The following CCDC24 variants were observed in gnomAD, a reference collection of about 807,000 sequenced individuals.
CCDC24 encodes coiled-coil domain-containing protein 24.
A neutral mutation model predicts 31.6 loss-of-function variants in CCDC24; 34 were observed. That is an observed-to-expected ratio of 1.08 (90% CI 0.82 to 1.43). CCDC24 has a LOEUF of 1.43. Ranked by LOEUF, CCDC24 falls within the 40% of genes most tolerant of loss-of-function variation. The probability of loss-of-function intolerance (pLI) is 0.00; values close to 1 mark genes in which losing one functional copy is unlikely to be tolerated. For missense variants in CCDC24, 426 were observed against 391.1 expected (o/e 1.09, Z -0.75); for synonymous variants, 175 against 157.3 (o/e 1.11, Z -0.84).
Position 43,995,838 on chromosome 1 carries a change from G to T in CCDC24, c.683G>T (p.Cys228Phe). Reference protein sequence around the residue: ...QELQASVGPSCVSPNHRQRPL... With the variant: ...QELQASVGPSFVSPNHRQRPL... ...CTGCAGGCATCTGTGGGGCCTTCTT[G>T]TGTCTCTCCCAACCACAGGTAAACC... The change falls in exon 8 of 9, where the codon TGT (cysteine) becomes TTT (phenylalanine). Residue 228 changes from cysteine (C) to phenylalanine (F), a missense_variant. Coordinates refer to ENST00000372318, the MANE Select transcript of CCDC24 (RefSeq NM_152499.4). This position sits in a 1 kb window ranked among gnomAD's most constrained non-coding sequence, Gnocchi z 4.3. 1 of 1,614,232 alleles carries T rather than the reference G, an allele frequency of 6.2e-7. No homozygotes were observed. The highest frequency in any genetic ancestry group is 8.5e-7 in the Non-Finnish European group (1 of 1,180,028).
At chr1:43,992,884 CA>C (rs1269981134) in intron 4 of CCDC24, among the ~76,000 whole-genome samples, 20 of 152,120 alleles carry the variant, frequency 1.3e-4, no homozygotes, top group Non-Finnish European at 2.4e-4. Context: ...GTATGAGGAG[CA>C]GTTTTCAGGG....
Position 43,996,183 on chromosome 1 carries a change from C to A in CCDC24, c.*23C>A, listed in dbSNP as rs186460548. ...TGAAGGGCTGGTCACCGAGTAGGCT[C>A]TGGCTTCTGCCACAGCGCACCTGTC... On this transcript the variant is annotated 3_prime_UTR_variant, in exon 9 of 9. Transcript: ENST00000372318. The A allele has an allele frequency of 2.3e-4, 346 of 1,521,544 alleles. 3 individuals are homozygous for A. The African/African-American group carries it at 4.2e-3, about 18-fold the overall frequency. 94.3% of individuals were successfully genotyped at this position (1,521,544 alleles called of 1,614,324 possible).
rs12563522 is a variant in CCDC24 at position 43,996,356 on chromosome 1, A to G, written c.*196A>G. Reference sequence around the variant, plus strand: ...GGTGTCTGGAGCTGAGTGGCCGGGCATCGGTCCCAAGCATCAAAGCCTTTG... The same window carrying G: ...GGTGTCTGGAGCTGAGTGGCCGGGCGTCGGTCCCAAGCATCAAAGCCTTTG... On this transcript the variant is annotated 3_prime_UTR_variant, in exon 9 of 9. Coordinates refer to ENST00000372318, the MANE Select transcript of CCDC24 (RefSeq NM_152499.4). The G allele has an allele frequency of 2.0e-3, 1,138 of 565,518 alleles. 8 individuals are homozygous for G. The highest frequency in any genetic ancestry group is 0.014 in the East Asian group (484 of 33,610). The allele number at this position is 565,518 out of a possible 1,614,324, so 35.0% of individuals were successfully genotyped here.
chr1:43,992,223 AC>A lies in CCDC24; in HGVS notation c.139del (p.Arg47GlyfsTer31). ...LELRAEVAML[R>X]ALLQEARSSQ... ...AGCTCTCCTTGCAGGTGGCGATGTTACGGGCACTGCTCCAAGAGGCTCGATC... is the reference window on the plus strand; with the variant it reads ...AGCTCTCCTTGCAGGTGGCGATGTTAGGGCACTGCTCCAAGAGGCTCGATC... On this transcript the variant is annotated frameshift_variant, in exon 3 of 9. Transcript: ENST00000372318. LOFTEE classifies it high-confidence loss of function. The A allele has an allele frequency of 1.2e-6, 2 of 1,612,376 alleles. No homozygotes were observed. Among genetic ancestry groups the A allele is most frequent in the Non-Finnish European group, 1.7e-6 (2 of 1,179,210 alleles).
Position 43,995,724 on chromosome 1 carries a change from C to T in CCDC24, c.622+54C>T, listed in dbSNP as rs2085833470. The T allele has an allele frequency of 2.5e-6, 4 of 1,613,182 alleles. No homozygotes were observed. On this transcript the variant is annotated intron_variant, in intron 7 of 8. Coordinates refer to ENST00000372318, the MANE Select transcript of CCDC24 (RefSeq NM_152499.4). The surrounding 1 kb of genome is among the most constrained non-coding windows in gnomAD (Gnocchi z 4.3). ...CCCAGCCTCCTGCTCCCACCCCACA[C>T]TTGTACACACCCTAGAAGAGCTGGG...
Position 43,992,219 on chromosome 1 carries a change from TG to T in CCDC24, c.135del (p.Met45IlefsTer33). On this transcript the variant is annotated frameshift_variant, in exon 3 of 9. Coordinates refer to ENST00000372318, the MANE Select transcript of CCDC24 (RefSeq NM_152499.4). LOFTEE classifies it high-confidence loss of function. ...LSLELRAEVA[M>X]LRALLQEARS... The stretch of plus-strand genomic sequence containing the variant: ...TCCCAGCTCTCCTTGCAGGTGGCGA[TG>T]TTACGGGCACTGCTCCAAGAGGCTC... 1 of 1,611,414 alleles carries T rather than the reference TG, an allele frequency of 6.2e-7. No individual in the cohort carries two copies. Among genetic ancestry groups the T allele is most frequent in the East Asian group, 2.2e-5 (1 of 44,798 alleles).
chr1:43,994,218 A>AG (rs2085790808), intron 5 of CCDC24: 2 of 465,670 alleles, frequency 4.3e-6, no homozygotes, highest in Non-Finnish European at 7.8e-6. Flanking sequence ...GGCCGAGGCA[A>AG]GAGGGTCATT....
In CCDC24 at chr1:43,995,802, T is replaced by C. The variant is rs1469163739; in HGVS notation, c.647T>C (p.Met216Thr). ...LAELKEQKKAMEQELQASVGP... is the reference protein window; with the variant it reads ...LAELKEQKKATEQELQASVGP... ...GAGCTAAAGGAACAGAAGAAGGCCATGGAGCAGGAGCTGCAGGCATCTGTG... is the reference window on the plus strand; with the variant it reads ...GAGCTAAAGGAACAGAAGAAGGCCACGGAGCAGGAGCTGCAGGCATCTGTG... The change falls in exon 8 of 9, where the codon ATG becomes ACG. Residue 216 changes from methionine to threonine, a missense_variant. Physicochemically the swap from Met to Thr is moderately conservative, Grantham distance 81. Transcript: ENST00000372318. The surrounding 1 kb of genome is among the most constrained non-coding windows in gnomAD (Gnocchi z 4.3). The C allele has an allele frequency of 6.2e-7, 1 of 1,614,212 alleles. No homozygotes were observed. The highest frequency in any genetic ancestry group is 8.5e-7 in the Non-Finnish European group (1 of 1,180,022).
At position 43,992,404 on chromosome 1, in the gene CCDC24, T is replaced by G; in HGVS notation, c.302+17T>G. The G allele has an allele frequency of 6.2e-7, 1 of 1,613,800 alleles. No homozygotes were observed. Among genetic ancestry groups the G allele is most frequent in the Non-Finnish European group, 8.5e-7 (1 of 1,179,874 alleles). On this transcript the variant is annotated intron_variant, in intron 3 of 8. Transcript: ENST00000372318. Reference sequence around the variant, plus strand: ...TGAGGGCAGGTGGGAGCCTCAGGCCTGGGCCCTTTCCCTAGATACCAGGTG... The same window carrying G: ...TGAGGGCAGGTGGGAGCCTCAGGCCGGGGCCCTTTCCCTAGATACCAGGTG...
In CCDC24 at chr1:43,992,128, T is replaced by C. The variant is rs758251279; in HGVS notation, c.127-84T>C. The C allele has an allele frequency of 2.0e-6, 3 of 1,517,280 alleles. No homozygotes were observed. In the African/African-American group the frequency reaches 4.2e-5, roughly 21 times the overall value. The allele number at this position is 1,517,280 out of a possible 1,614,324, so 94.0% of individuals were successfully genotyped here. A position where few individuals can be genotyped will look rare whatever the true frequency, so the allele number is the denominator to read the frequency against. On this transcript the variant is annotated intron_variant, in intron 2 of 8. Transcript: ENST00000372318. ...ATCCTATCCTGGTCTCCCCTTTGAC[T>C]CCGCCCTCTCCCTCACTCCCCCAGC...
chr1:43,992,343 GC>G lies in CCDC24; in HGVS notation c.259del (p.Gln87SerfsTer48), dbSNP rs1277001645. 4 of 1,614,074 alleles carry G rather than the reference GC, an allele frequency of 2.5e-6. No homozygotes were observed. The African/African-American group carries it at 5.3e-5, about 22-fold the overall frequency. Reference sequence around the variant, plus strand: ...AGGACCTCTTGCGCCAGGAGCTCCGGCAGTTGCTCCAGGGTCTCCGCCACAA... The same window carrying G: ...AGGACCTCTTGCGCCAGGAGCTCCGGAGTTGCTCCAGGGTCTCCGCCACAA... Reference protein sequence around the residue: ...LKDLLRQELRQLLQGLRHKAI... With the variant: ...LKDLLRQELRXLLQGLRHKAI... On this transcript the variant is annotated frameshift_variant, in exon 3 of 9. Coordinates refer to ENST00000372318, the MANE Select transcript of CCDC24 (RefSeq NM_152499.4). LOFTEE classifies it high-confidence loss of function.
Position 43,991,614 on chromosome 1 carries a change from GC to G in CCDC24, c.-162del. 1 of 702,706 alleles carries G rather than the reference GC, an allele frequency of 1.4e-6. No individual in the cohort carries two copies. Among genetic ancestry groups the G allele is most frequent in the Non-Finnish European group, 2.6e-6 (1 of 385,564 alleles). The allele number at this position is 702,706 out of a possible 1,614,324, so 43.5% of individuals were successfully genotyped here. On this transcript the variant is annotated 5_prime_UTR_variant, in exon 1 of 9. Transcript: ENST00000372318. ...GCCACGCGGAAGAGGTGGGGCTAGG[GC>G]CCTGGTTCCCACTGCCTGGTTTCTG...
In CCDC24 at chr1:43,991,845, A is replaced by G. The variant is rs749419177; in HGVS notation, c.-32-2A>G. 5 of 1,546,906 alleles carry G rather than the reference A, an allele frequency of 3.2e-6. No individual in the cohort carries two copies. Among genetic ancestry groups the G allele is most frequent in the Non-Finnish European group, 2.6e-6 (3 of 1,145,064 alleles). On this transcript the variant is annotated splice_acceptor_variant, in intron 1 of 8. Coordinates refer to ENST00000372318, the MANE Select transcript of CCDC24 (RefSeq NM_152499.4). LOFTEE classifies it low-confidence loss of function (5UTR_SPLICE). ...TCCCGCACTCTGACCTGCGGCCCGT[A>G]GGTCCGAGCCGGGGACGGCGGCGTC...
In CCDC24 at chr1:43,995,401, TA is replaced by T; in HGVS notation, c.553-198del. 1 of 703,586 alleles carries T rather than the reference TA, an allele frequency of 1.4e-6. No homozygotes were observed. The highest frequency in any genetic ancestry group is 2.3e-6 in the Non-Finnish European group (1 of 429,600). 43.6% of individuals were successfully genotyped at this position (703,586 alleles called of 1,614,324 possible). ...AGGTCTTTTGCCTCCTTCCTTTACC[TA>T]AGTCTGGGTACAGGCCCCACCACTA... On this transcript the variant is annotated intron_variant, in intron 6 of 8. Coordinates refer to ENST00000372318, the MANE Select transcript of CCDC24 (RefSeq NM_152499.4). This position sits in a 1 kb window ranked among gnomAD's most constrained non-coding sequence, Gnocchi z 4.3.
In CCDC24 at chr1:43,992,530, G is replaced by A. The variant is rs1414989467; in HGVS notation, c.310G>A (p.Ala104Thr). 1 of 1,614,110 alleles carries A rather than the reference G, an allele frequency of 6.2e-7. No individual in the cohort carries two copies. The highest frequency in any genetic ancestry group is 2.2e-5 in the East Asian group (1 of 44,894). Residue 104 changes from alanine (A) to threonine (T), a missense_variant, in exon 4 of 9, where the codon GCC (alanine) becomes ACC (threonine). Ala to Thr is a moderately conservative substitution (Grantham distance 58, BLOSUM62 0). Coordinates refer to ENST00000372318, the MANE Select transcript of CCDC24 (RefSeq NM_152499.4). ...HKAICEGRDQ[A>T]QAWVQYSPRV... ...CCTGTGCACCTTCTGCAGGGACCAG[G>A]CCCAAGCTTGGGTCCAGTATAGCCC...
rs60691118 is a variant in CCDC24, at chr1:43,994,443, T to TTTCTTTCTTTC, written c.497+481_497+482insCTTTCTTTCTT. 3.3e-3 allele frequency: 432 copies of TTTCTTTCTTTC among 131,182 alleles called. 1 individual carries two copies. Among genetic ancestry groups the TTTCTTTCTTTC allele is most frequent in the Non-Finnish European group, 5.5e-3 (342 of 62,506 alleles). The allele number at this position is 131,182 out of a possible 1,614,324, so 8.1% of individuals were successfully genotyped here. ...CCCTGTTTCTTTCTTTCTTTCTTTC[T>TTTCTTTCTTTC]TTTTTTTTTTTTTTTGAGATGGAGT... is the stretch of plus-strand genomic sequence containing the variant. On this transcript the variant is annotated intron_variant, in intron 5 of 8. Coordinates refer to ENST00000372318, the MANE Select transcript of CCDC24 (RefSeq NM_152499.4).
rs1437039405 is a variant in CCDC24, at chr1:43,995,636, C to T, written c.588C>T (p.His196=). The change falls in exon 7 of 9, where the codon CAC becomes CAT. Residue 196 remains histidine (H), a synonymous_variant. Transcript: ENST00000372318. The surrounding 1 kb of genome is among the most constrained non-coding windows in gnomAD (Gnocchi z 4.3). ...CLEEEYLRPC[H]PSEAALEPTL... Reference sequence around the variant, plus strand: ...AAGAGGAGTATTTGAGGCCTTGCCACCCCTCTGAGGCAGCCCTGGAGCCCA... The same window carrying T: ...AAGAGGAGTATTTGAGGCCTTGCCATCCCTCTGAGGCAGCCCTGGAGCCCA... 3.1e-6 allele frequency: 5 copies of T among 1,612,796 alleles called. No individual in the cohort carries two copies. Among genetic ancestry groups the T allele is most frequent in the East Asian group, 4.5e-5 (2 of 44,880 alleles).
Position 43,995,700 on chromosome 1 carries a change from C to T in CCDC24, c.622+30C>T. The T allele has an allele frequency of 6.2e-7, 1 of 1,613,150 alleles. No homozygotes were observed. Among genetic ancestry groups the T allele is most frequent in the Non-Finnish European group, 8.5e-7 (1 of 1,179,376 alleles). ...GGACACGGAGCAGGGCCCAGAACAC[C>T]CAGCCTCCTGCTCCCACCCCACACT... On this transcript the variant is annotated intron_variant, in intron 7 of 8. Transcript: ENST00000372318. The surrounding 1 kb of genome is among the most constrained non-coding windows in gnomAD (Gnocchi z 4.3).
Position 43,995,648 on chromosome 1 carries a change from A to G in CCDC24, c.600A>G (p.Ala200=), listed in dbSNP as rs552171928. The part of the protein sequence containing the change: ...EYLRPCHPSE[A]ALEPTLAELK... ...TGAGGCCTTGCCACCCCTCTGAGGC[A>G]GCCCTGGAGCCCACCCTGGCAGGTG... Residue 200 remains alanine (A), a synonymous_variant, in exon 7 of 9, where the codon GCA becomes GCG. Coordinates refer to ENST00000372318, the MANE Select transcript of CCDC24 (RefSeq NM_152499.4). This position sits in a 1 kb window ranked among gnomAD's most constrained non-coding sequence, Gnocchi z 4.3. 5.6e-5 allele frequency: 91 copies of G among 1,613,296 alleles called. No individual in the cohort carries two copies. The East Asian group carries it at 1.7e-3, about 30-fold the overall frequency.
Sources: allele counts gnomAD v4.1 joint callset (sites outside exome capture counted in the v4.1 genomes callset), GRCh38; gene constraint gnomAD v4.1.1; non-coding constraint Gnocchi (gnomAD v3.1); transcripts MANE v1.5; gene names NCBI Gene and HGNC (gene_info 2026-07-23, HGNC 2026-07-21).